NEBL: variants seen among roughly 807,000 people sequenced by gnomAD.
NEBL encodes nebulette.
In NEBL, 122 loss-of-function variants were observed where a neutral mutation model predicts 140.2. The ratio of observed to expected loss-of-function variants is 0.87; its 90% CI spans 0.75 to 1.01. The LOEUF (loss-of-function observed/expected upper bound fraction) is 1.01. Ranked by LOEUF, NEBL falls within the 50% of genes least tolerant of loss-of-function variation. NEBL has a pLI of 0.00. For missense variants in NEBL, 1,365 were observed against 1,231.3 expected (o/e 1.11, Z -1.62); for synonymous variants, 436 against 398.9 (o/e 1.09, Z -1.11).
chr10:21,162,588 G>A (rs1840600311), intron 2 of NEBL, among the ~76,000 whole-genome samples: 1 of 152,176 alleles, frequency 6.6e-6, no homozygotes, highest in Non-Finnish European at 1.5e-5. Flanking sequence ...AAGGAGCAAA[G>A]CTCTTGCAGG....
At chr10:20,991,775 C>T (rs1395544990) in intron 3 of NEBL, among the ~76,000 whole-genome samples, 1 of 149,888 alleles carries the variant, frequency 6.7e-6, no homozygotes, top group Non-Finnish European at 1.5e-5. Context: ...TCCCCCCCTC[C>T]CCTTTTTGGA....
chr10:21,072,720 G>A (rs1403957515), intron 2 of NEBL, among the ~76,000 whole-genome samples: 1 of 152,226 alleles, frequency 6.6e-6, no homozygotes, highest in African/African-American at 2.4e-5. Flanking sequence ...GCCAGGTGCA[G>A]TGGCTCATGG....
At chr10:20,829,659 G>T (rs772015508) in intron 16 of NEBL, among the ~76,000 whole-genome samples, 1 of 151,800 alleles carries the variant, frequency 6.6e-6, no homozygotes. Context: ...TTACACCCTC[G>T]TAAGTATCCC....
At chr10:20,823,717 C>T (rs1163516229) in intron 18 of NEBL, among the ~76,000 whole-genome samples, 1 of 151,800 alleles carries the variant, frequency 6.6e-6, no homozygotes, top group Non-Finnish European at 1.5e-5. Flanking sequence ...GCCACAGAGT[C>T]TGGGGAGCAC....
intron 12 of NEBL, among the ~76,000 whole-genome samples, chr10:20,843,242 G>A (rs538316858): frequency 1.5e-4 from 23 of 152,092 alleles, no homozygotes; most frequent in African/African-American, 4.3e-4. Context: ...GAGGGCCCTC[G>A]CTAAGAATCA....
upstream of NEBL, among the ~76,000 whole-genome samples, chr10:21,179,480 C>G (rs189502981): frequency 6.6e-6 from 1 of 151,984 alleles, no homozygotes; most frequent in Non-Finnish European, 1.5e-5. Flanking sequence ...AATGACCCCC[C>G]GCTCCAGCCC....
At chr10:20,893,490 G>A (rs993415507) in intron 2 of NEBL, among the ~76,000 whole-genome samples, 8 of 152,168 alleles carry the variant, frequency 5.3e-5, no homozygotes, top group African/African-American at 1.7e-4. Context: ...TAGAGCAAGT[G>A]CAAAGCAGAA....
At chr10:20,892,392 T>G (rs1847103360) in intron 2 of NEBL, among the ~76,000 whole-genome samples, 1 of 152,150 alleles carries the variant, frequency 6.6e-6, no homozygotes, top group South Asian at 2.1e-4. Context: ...TAAGCCACCA[T>G]ACTAATGACG....
intron 26 of NEBL, among the ~76,000 whole-genome samples, chr10:20,794,954 A>C (rs374972275): frequency 1.3e-5 from 2 of 152,190 alleles, no homozygotes; most frequent in African/African-American, 4.8e-5. Flanking sequence ...GAAGGTTAGC[A>C]GATTAAGTAA....
chr10:21,062,174 G>T (rs1283588890), intron 2 of NEBL, among the ~76,000 whole-genome samples: 2 of 152,166 alleles, frequency 1.3e-5, no homozygotes, highest in African/African-American at 4.8e-5. Flanking sequence ...TAGCATTTCA[G>T]CAGGTGCAAT....
chr10:21,080,061 T>G (rs1836295790), intron 2 of NEBL, among the ~76,000 whole-genome samples: 1 of 152,212 alleles, frequency 6.6e-6, no homozygotes, highest in African/African-American at 2.4e-5. Flanking sequence ...CTCAGCTAAC[T>G]CAGAACATAA....
At chr10:20,925,809 A>G (rs1255193506) in intron 4 of NEBL, among the ~76,000 whole-genome samples, 1 of 152,070 alleles carries the variant, frequency 6.6e-6, no homozygotes, top group African/African-American at 2.4e-5. Flanking sequence ...AAATCTGGAC[A>G]TAGAGCTTTC....
At chr10:21,108,931 A>C (rs1837843288) in intron 2 of NEBL, among the ~76,000 whole-genome samples, 1 of 152,128 alleles carries the variant, frequency 6.6e-6, no homozygotes, top group Non-Finnish European at 1.5e-5. Flanking sequence ...ATGTACAATC[A>C]TGTCATCTGC....
At chr10:21,030,946 G>A (rs1415231459) in intron 2 of NEBL, among the ~76,000 whole-genome samples, 1 of 152,128 alleles carries the variant, frequency 6.6e-6, no homozygotes, top group East Asian at 1.9e-4. Flanking sequence ...TTACCATTAG[G>A]ACACACCGGT....
rs548379322 is a variant in NEBL at position 21,227,629 on chromosome 10, A to G, written n.348+20292T>C. 3.3e-5 allele frequency among the ~76,000 whole-genome samples: 5 copies of G among 152,000 alleles called. No homozygotes were observed. In the East Asian group the frequency reaches 9.7e-4, roughly 29 times the overall value. On this transcript the variant is annotated intron_variant and non_coding_transcript_variant, in intron 3 of 8. Transcript: ENST00000675702. The stretch of plus-strand genomic sequence containing the variant: ...TTACTTTGCCAGGAAATATTGCACT[A>G]AGGGAATTCAAAAGCACTTGAAGTT...
At chr10:20,976,944 T>C (rs1836829976) in intron 3 of NEBL, among the ~76,000 whole-genome samples, 1 of 149,682 alleles carries the variant, frequency 6.7e-6, no homozygotes, top group South Asian at 2.1e-4. Context: ...AAAAAAGTGC[T>C]TCAGGTCCTT....
At chr10:20,962,028 C>T (rs1020051266) in intron 3 of NEBL, among the ~76,000 whole-genome samples, 9 of 152,078 alleles carry the variant, frequency 5.9e-5, no homozygotes, top group Non-Finnish European at 1.2e-4. Context: ...ATCTGTACAG[C>T]GGCAATAACA....
At chr10:20,899,748 T>C (rs532808334), upstream of NEBL, 51 of 220,556 alleles carry the variant, frequency 2.3e-4, 1 homozygote, top group African/African-American at 1.2e-3. Flanking sequence ...TGCCAGGCAC[T>C]GTGCTTGGTG....
chr10:21,019,863 T>C (rs1838710904), intron 3 of NEBL, among the ~76,000 whole-genome samples: 1 of 152,206 alleles, frequency 6.6e-6, no homozygotes, highest in African/African-American at 2.4e-5. Flanking sequence ...TTGGGAAACA[T>C]TGACTCTGAC....
Sources: allele counts gnomAD v4.1 joint callset (sites outside exome capture counted in the v4.1 genomes callset), GRCh38; gene constraint gnomAD v4.1.1; transcripts MANE v1.5; gene names NCBI Gene and HGNC (gene_info 2026-07-23, HGNC 2026-07-21).